Variants in NRXN3 observed in about 807,000 individuals in gnomAD.
NRXN3 encodes neurexin 3.
NRXN3 carries 32 observed loss-of-function variants against 137.6 expected under a neutral mutation model. That is an observed-to-expected ratio of 0.23 (90% CI 0.18 to 0.31). The LOEUF (loss-of-function observed/expected upper bound fraction) is 0.31, where lower values mean the gene tolerates loss of function less well. Ranked by LOEUF, NRXN3 falls within the 10% of genes least tolerant of loss-of-function variation. The pLI is 1.00. For synonymous variants in NRXN3, 798 were observed against 784.5 expected, an observed-to-expected ratio of 1.02 and a Z score of -0.29; for missense variants, 1,574 against 2,062.5, an observed-to-expected ratio of 0.76 and a Z score of 4.59.
At chr14:78,520,044 C>A (rs993267828) in intron 4 of NRXN3, among the ~76,000 whole-genome samples, 5 of 152,154 alleles carry the variant, frequency 3.3e-5, no homozygotes, top group African/African-American at 1.2e-4. Context: ...TGGGGGTGGA[C>A]CTCTCCATGG....
chr14:78,538,765 C>G lies in NRXN3; in HGVS notation c.758-106355C>G, dbSNP rs147962830. ...GGCTGTGGGTTTGTCATAAATAGCT[C>G]TTATTATTTTGAGATAAGTTCCATC... On this transcript the variant is annotated intron_variant, in intron 4 of 20. Transcript: ENST00000335750. 4.5e-3 allele frequency among the ~76,000 whole-genome samples: 687 copies of G among 152,192 alleles called. 34 individuals are homozygous for G. In the East Asian group the frequency reaches 0.089, roughly 20 times the overall value.
chr14:79,756,137 A>G (rs1338075999), intron 19 of NRXN3, among the ~76,000 whole-genome samples: 1 of 152,180 alleles, frequency 6.6e-6, no homozygotes, highest in East Asian at 1.9e-4. Context: ...TCTGGAACAC[A>G]TACGAGGGAA....
chr14:79,084,083 T>C (rs2047598408), intron 15 of NRXN3, among the ~76,000 whole-genome samples: 1 of 151,440 alleles, frequency 6.6e-6, no homozygotes, highest in South Asian at 2.1e-4. Context: ...TTAATTTATT[T>C]ATTTTTTTTT....
At chr14:78,983,152 T>A (rs2153051807) in intron 14 of NRXN3, among the ~76,000 whole-genome samples, 1 of 152,306 alleles carries the variant, frequency 6.6e-6, no homozygotes, top group East Asian at 1.9e-4. Context: ...CAACAAGTAT[T>A]GGCAAAGGCT....
chr14:79,732,503 G>T (rs1320046617), intron 19 of NRXN3, among the ~76,000 whole-genome samples: 3 of 152,048 alleles, frequency 2.0e-5, no homozygotes, highest in African/African-American at 7.2e-5. Flanking sequence ...TGTTAGGCAA[G>T]AAAAAATTTA....
chr14:79,118,211 A>G (rs1456287680), intron 15 of NRXN3, among the ~76,000 whole-genome samples: 1 of 152,050 alleles, frequency 6.6e-6, no homozygotes, highest in Non-Finnish European at 1.5e-5. Flanking sequence ...GCCCTTATCT[A>G]TGATTGTGGT....
chr14:79,081,642 A>T (rs1378022739), intron 15 of NRXN3, among the ~76,000 whole-genome samples: 4 of 151,106 alleles, frequency 2.6e-5, no homozygotes, highest in Admixed American at 2.6e-4. Context: ...AAATGATATG[A>T]TGTGTCCAAG....
intron 10 of NRXN3, among the ~76,000 whole-genome samples, chr14:78,816,236 A>T (rs2098932639): frequency 6.6e-6 from 1 of 152,170 alleles, no homozygotes. Flanking sequence ...AACAAAAGGC[A>T]AAATAGTAAA....
chr14:79,530,063 A>G (rs555006440), intron 16 of NRXN3, among the ~76,000 whole-genome samples: 10 of 152,314 alleles, frequency 6.6e-5, no homozygotes, highest in Admixed American at 1.3e-4. Context: ...GGAAATACCT[A>G]AAAACATCTT....
At chr14:78,696,083 A>G (rs2098223121) in intron 6 of NRXN3, among the ~76,000 whole-genome samples, 2 of 152,030 alleles carry the variant, frequency 1.3e-5, no homozygotes, top group African/African-American at 2.4e-5. Flanking sequence ...CTTAAGCCAC[A>G]GGCAGGAGAG....
chr14:78,887,345 A>C (rs116032580), intron 10 of NRXN3, among the ~76,000 whole-genome samples: 4 of 152,076 alleles, frequency 2.6e-5, no homozygotes, highest in African/African-American at 9.7e-5. Context: ...TGTTTAGGCT[A>C]TTGAGAGAGA....
chr14:79,574,133 T>C (rs187478026), intron 16 of NRXN3, among the ~76,000 whole-genome samples: 12 of 152,170 alleles, frequency 7.9e-5, no homozygotes, highest in Admixed American at 3.3e-4. Flanking sequence ...GTAGAATAAG[T>C]AGGCCAGAAT....
At chr14:79,722,643 A>G (rs1179352901) in intron 19 of NRXN3, among the ~76,000 whole-genome samples, 1 of 152,130 alleles carries the variant, frequency 6.6e-6, no homozygotes, top group East Asian at 1.9e-4. Context: ...TTGAGATTCC[A>G]GGTGCCTCTC....
intron 16 of NRXN3, among the ~76,000 whole-genome samples, chr14:79,481,250 G>A (rs1050366966): frequency 6.6e-6 from 1 of 152,134 alleles, no homozygotes; most frequent in Non-Finnish European, 1.5e-5. Context: ...AGGCAGGGAG[G>A]ATCTCCTTCA....
chr14:78,519,343 C>A (rs1447435253), intron 4 of NRXN3, among the ~76,000 whole-genome samples: 2 of 152,104 alleles, frequency 1.3e-5, no homozygotes, highest in Non-Finnish European at 2.9e-5. Context: ...CCACATTTAC[C>A]AACCTGCTCC....
At chr14:78,327,790 A>G (rs561915337) in intron 4 of NRXN3, among the ~76,000 whole-genome samples, 16 of 152,282 alleles carry the variant, frequency 1.1e-4, no homozygotes, top group Admixed American at 2.0e-4. Context: ...AAATGCTACA[A>G]AGAAAGATAA....
chr14:79,820,901 G>A (rs2099269993), intron 20 of NRXN3, among the ~76,000 whole-genome samples: 1 of 152,222 alleles, frequency 6.6e-6, no homozygotes, highest in East Asian at 1.9e-4. Context: ...TTAACTTTGG[G>A]TGGCCAGGGT....
chr14:78,949,686 G>T (rs572762969), intron 10 of NRXN3, among the ~76,000 whole-genome samples: 78 of 152,146 alleles, frequency 5.1e-4, no homozygotes, highest in Non-Finnish European at 9.4e-4. Context: ...TAAACTCTCA[G>T]CTGGGAGGGT....
At chr14:78,637,433 C>A (rs1249711788) in intron 4 of NRXN3, among the ~76,000 whole-genome samples, 1 of 152,212 alleles carries the variant, frequency 6.6e-6, no homozygotes, top group Non-Finnish European at 1.5e-5. Context: ...ACCCTTACTA[C>A]ACTGGTAATT....
Sources: gnomAD v4.1 joint callset for allele counts (sites outside exome capture counted in the v4.1 genomes callset) on GRCh38, gnomAD v4.1.1 for gene constraint, MANE v1.5 for transcripts, NCBI Gene and HGNC (gene_info 2026-07-23, HGNC 2026-07-21) for gene names.